Variants in NUDT1 observed in about 807,000 individuals in gnomAD.
NUDT1 encodes nudix hydrolase 1, also known as oxidized purine nucleoside triphosphate hydrolase.
NUDT1 carries 16 observed loss-of-function variants against 11.3 expected under a neutral mutation model. The ratio of observed to expected loss-of-function variants is 1.41; its 90% CI spans 0.96 to 2.15. NUDT1 has a LOEUF of 2.15. Ranked by LOEUF, NUDT1 falls within the 30% of genes most tolerant of loss-of-function variation. The pLI, the probability that NUDT1 is intolerant of heterozygous loss-of-function variation, is 0.00. For missense variants in NUDT1, 234 were observed against 208.4 expected, an observed-to-expected ratio of 1.12 and a Z score of -0.76; for synonymous variants, 101 against 84.4, an observed-to-expected ratio of 1.20 and a Z score of -1.08.
rs761944519 is a variant in NUDT1, at chr7:2,251,018, C to T, written c.*17C>T. 2.1e-5 allele frequency: 34 copies of T among 1,612,680 alleles called. No homozygotes were observed. The East Asian group carries it at 6.9e-4, about 33-fold the overall frequency. Reference sequence around the variant, plus strand: ...ACGGTCTAGCGGGAGCCCAGGGCAGCCCCTGGGCAGGAGACGTGGCTGCTG... The same window carrying T: ...ACGGTCTAGCGGGAGCCCAGGGCAGTCCCTGGGCAGGAGACGTGGCTGCTG... On this transcript the variant is annotated 3_prime_UTR_variant, in exon 4 of 4. Coordinates refer to ENST00000356714, the MANE Select transcript of NUDT1 (RefSeq NM_002452.4).
intron 2 of NUDT1, chr7:2,247,977 A>C (rs1339514889): frequency 1.3e-5 from 2 of 152,222 alleles, no homozygotes; most frequent in African/African-American, 4.8e-5. Context: ...AACTTTAATT[A>C]GCCATCTGTA....
intron 1 of NUDT1, chr7:2,242,658 T>G: frequency 2.7e-6 from 1 of 369,356 alleles, no homozygotes; most frequent in South Asian, 4.4e-5. Flanking sequence ...AAAGGTTCCC[T>G]TGTCCTCCTC....
At chr7:2,244,823 A>C (rs1053207006) in intron 2 of NUDT1, 97 bp downstream of exon 2, 1 of 1,432,934 alleles carries the variant, frequency 7.0e-7, no homozygotes, top group African/African-American at 1.4e-5. Context: ...CTAAGAGCTA[A>C]GTGACCTGGA....
intron 2 of NUDT1, among the ~76,000 whole-genome samples, chr7:2,245,411 G>A (rs1289109347): frequency 6.6e-6 from 1 of 152,224 alleles, no homozygotes; most frequent in Non-Finnish European, 1.5e-5. Context: ...ACGGAGGAAA[G>A]CCAGGACGCT....
At position 2,244,590 on chromosome 7, in the gene NUDT1, C is replaced by G; in HGVS notation, c.16C>G (p.Leu6Val). The change falls in exon 2 of 4, where the codon CTC becomes GTC. Residue 6 changes from leucine (L) to valine (V), a missense_variant. Physicochemically the swap from Leu to Val is conservative, Grantham distance 32. Coordinates refer to ENST00000356714, the MANE Select transcript of NUDT1 (RefSeq NM_002452.4). The part of the protein sequence containing the change: MGASR[L>V]YTLVLVLQPQ... ...CCCAGGGACCATGGGCGCCTCCAGG[C>G]TCTATACCCTGGTGCTGGTCCTGCA... 6.2e-7 allele frequency: 1 copy of G among 1,605,856 alleles called. No individual in the cohort carries two copies. Among genetic ancestry groups the G allele is most frequent in the Non-Finnish European group, 8.5e-7 (1 of 1,175,318 alleles).
At chr7:2,243,791 T>G (rs1203119777) in intron 1 of NUDT1, among the ~76,000 whole-genome samples, 1 of 152,192 alleles carries the variant, frequency 6.6e-6, no homozygotes, top group East Asian at 1.9e-4. Flanking sequence ...TAAAGGAAAG[T>G]TGGTCCTGGC....
At chr7:2,250,567 C>T (rs1248418718) in intron 3 of NUDT1, among the ~76,000 whole-genome samples, 1 of 152,230 alleles carries the variant, frequency 6.6e-6, no homozygotes, top group African/African-American at 2.4e-5. Flanking sequence ...ACACCATTCT[C>T]CTGCCTCAGC....
intron 2 of NUDT1, chr7:2,249,475 A>AG: frequency 3.4e-6 from 1 of 292,778 alleles, no homozygotes; most frequent in Non-Finnish European, 6.7e-6. Context: ...GAATGAAGGA[A>AG]GTGGGGTCAG....
At chr7:2,242,724 T>A in intron 1 of NUDT1, 1 of 455,756 alleles carries the variant, frequency 2.2e-6, no homozygotes, top group East Asian at 3.6e-5. Context: ...TTCTCAAGCC[T>A]CTAGGGGAAC....
chr7:2,247,611 A>G (rs1307630237), intron 2 of NUDT1, among the ~76,000 whole-genome samples: 3 of 152,090 alleles, frequency 2.0e-5, no homozygotes, highest in South Asian at 2.1e-4. Flanking sequence ...TTTTTGTTTC[A>G]TGTATTTCTC....
At chr7:2,244,836 A>T (rs1283471762) in intron 2 of NUDT1, 110 bp downstream of exon 2, 3 of 1,343,470 alleles carry the variant, frequency 2.2e-6, no homozygotes, top group Non-Finnish European at 3.1e-6. Context: ...GACCTGGAGC[A>T]GGGGGTTAAG....
At chr7:2,246,897 G>A (rs1433769113) in intron 2 of NUDT1, among the ~76,000 whole-genome samples, 2 of 152,114 alleles carry the variant, frequency 1.3e-5, no homozygotes, top group East Asian at 1.9e-4. Flanking sequence ...GATTACAGGC[G>A]TGAGCCACCG....
intron 3 of NUDT1, among the ~76,000 whole-genome samples, chr7:2,250,273 C>T (rs1237211740): frequency 1.3e-5 from 2 of 151,530 alleles, no homozygotes; most frequent in Non-Finnish European, 2.9e-5. Context: ...CTCACGATCA[C>T]TCAGTGAACT....
chr7:2,242,483 A>C, intron 1 of NUDT1: 1 of 460,152 alleles, frequency 2.2e-6, no homozygotes, highest in Non-Finnish European at 3.8e-6. Context: ...GGCTTGGGGG[A>C]GACCAGGAGT....
At chr7:2,247,250 CCTATT>C (rs1794804442) in intron 2 of NUDT1, among the ~76,000 whole-genome samples, 1 of 152,102 alleles carries the variant, frequency 6.6e-6, no homozygotes, top group Non-Finnish European at 1.5e-5. Flanking sequence ...AATACCCAGT[CCTATT>C]CTATCAGGAG....
chr7:2,249,205 C>G (rs1461630919), intron 2 of NUDT1: 1 of 153,674 alleles, frequency 6.5e-6, no homozygotes, highest in African/African-American at 2.4e-5. Flanking sequence ...CAGGAAGAGG[C>G]CCAGGCCACG....
chr7:2,247,453 G>A (rs1794814895), intron 2 of NUDT1, among the ~76,000 whole-genome samples: 2 of 152,134 alleles, frequency 1.3e-5, no homozygotes, highest in Admixed American at 1.3e-4. Flanking sequence ...TGGGCTTCAG[G>A]CGCACAGTGT....
At chr7:2,242,451 G>C in intron 1 of NUDT1, 195 bp downstream of exon 1, 1 of 495,082 alleles carries the variant, frequency 2.0e-6, no homozygotes, top group Non-Finnish European at 3.6e-6. Flanking sequence ...GTTTGGGAGA[G>C]AGACAAGGAG....
chr7:2,250,779 C>G (rs371776164), intron 3 of NUDT1, 50 bp from the exon 4 acceptor site: 4 of 1,610,554 alleles, frequency 2.5e-6, no homozygotes, highest in Non-Finnish European at 2.5e-6. Context: ...GTTTTTTAAG[C>G]ATGAAGTTTG....
Sources: gnomAD v4.1 joint callset for allele counts (sites outside exome capture counted in the v4.1 genomes callset) on GRCh38, gnomAD v4.1.1 for gene constraint, MANE v1.5 for transcripts, NCBI Gene and HGNC (gene_info 2026-07-23, HGNC 2026-07-21) for gene names.